Variants in PTPN3 observed in about 807,000 individuals in gnomAD.
PTPN3 encodes protein tyrosine phosphatase non-receptor type 3, also known as tyrosine-protein phosphatase non-receptor type 3.
Under a neutral mutation model 132.7 loss-of-function variants are expected in PTPN3, and 96 were observed. The ratio of observed to expected loss-of-function variants is 0.72; its 90% confidence interval spans 0.61 to 0.86. The LOEUF is 0.86. Among genes scored for constraint, PTPN3 ranks in the 40% least tolerant of loss-of-function variants. PTPN3 has a pLI of 0.00. For synonymous variants in PTPN3, 398 were observed against 429.0 expected (o/e 0.93, Z 0.89); for missense variants, 1,125 against 1,159.6 (o/e 0.97, Z 0.43).
At chr9:109,382,223 T>A in intron 24 of PTPN3, 79 bp downstream of exon 24, 1 of 1,496,520 alleles carries the variant, frequency 6.7e-7, no homozygotes, top group African/African-American at 1.4e-5. Context: ...GTAGGGTGGG[T>A]CTGGCGCCTG....
chr9:109,516,693 A>T, the PTPN3 span, among the ~76,000 whole-genome samples: 2 of 152,196 alleles, frequency 1.3e-5, no homozygotes, highest in Admixed American at 6.5e-5. Flanking sequence ...TATTTTGCTT[A>T]TTTAAAAGAC....
At chr9:109,506,604 TTTC>T in the PTPN3 span, among the ~76,000 whole-genome samples, 1 of 110,148 alleles carries the variant, frequency 9.1e-6, no homozygotes, top group African/African-American at 3.5e-5. Flanking sequence ...TCTTTCTTTC[TTTC>T]TTTTTTTTTT....
chr9:109,509,112 C>T, the PTPN3 span, among the ~76,000 whole-genome samples: 6 of 152,138 alleles, frequency 3.9e-5, no homozygotes, highest in East Asian at 1.2e-3. Context: ...AATTCCAAAC[C>T]AGCTCTGGGG....
At chr9:109,379,687 C>T (rs1838862626) in intron 25 of PTPN3, 54 bp from the exon 26 acceptor site, 1 of 1,443,788 alleles carries the variant, frequency 6.9e-7, no homozygotes, top group Non-Finnish European at 9.8e-7. Flanking sequence ...ATGCTGCCTA[C>T]CACACCCTGT....
the PTPN3 span, among the ~76,000 whole-genome samples, chr9:109,531,396 T>G: frequency 6.6e-6 from 1 of 152,190 alleles, no homozygotes; most frequent in Admixed American, 6.5e-5. Flanking sequence ...CTGGATGGCC[T>G]TGATCTTATT....
chr9:109,423,077 C>T (rs1842994615), intron 12 of PTPN3, among the ~76,000 whole-genome samples: 1 of 152,206 alleles, frequency 6.6e-6, no homozygotes, highest in Non-Finnish European at 1.5e-5. Flanking sequence ...GTCCTCACTA[C>T]TCAAGCAACA....
chr9:109,514,998 T>G, the PTPN3 span, among the ~76,000 whole-genome samples: 2 of 152,102 alleles, frequency 1.3e-5, no homozygotes, highest in Non-Finnish European at 2.9e-5. Context: ...TAATGCAGCA[T>G]TATTGGGGCC....
chr9:109,454,676 A>T (rs1845469929), intron 4 of PTPN3, 102 bp from the exon 5 acceptor site: 2 of 849,162 alleles, frequency 2.4e-6, no homozygotes, highest in African/African-American at 3.4e-5. Context: ...ACTCAACCAT[A>T]GCTTTTTCCA....
chr9:109,385,487 C>G (rs1014814375), intron 22 of PTPN3, among the ~76,000 whole-genome samples: 3 of 152,120 alleles, frequency 2.0e-5, no homozygotes, highest in Admixed American at 6.5e-5. Context: ...GAGGTAGGTA[C>G]TATGATTGTC....
chr9:109,408,835 T>C (rs1198002245), intron 16 of PTPN3, among the ~76,000 whole-genome samples: 1 of 129,480 alleles, frequency 7.7e-6, no homozygotes, highest in African/African-American at 2.9e-5. Context: ...TATATATATA[T>C]ATGGGCTTTA....
chr9:109,464,925 A>AG (rs1846022566), intron 1 of PTPN3, among the ~76,000 whole-genome samples: 1 of 152,156 alleles, frequency 6.6e-6, no homozygotes, highest in African/African-American at 2.4e-5. Context: ...GTGTGTAGTG[A>AG]GGGGAAGGGG....
the PTPN3 span, chr9:109,533,445 C>A: frequency 6.8e-7 from 1 of 1,471,914 alleles, no homozygotes; most frequent in Non-Finnish European, 9.4e-7. Context: ...CGCACCTGGC[C>A]GGTTTAGGGT....
chr9:109,462,419 A>T (rs1201096678), intron 2 of PTPN3, among the ~76,000 whole-genome samples: 2 of 152,160 alleles, frequency 1.3e-5, no homozygotes, highest in Non-Finnish European at 2.9e-5. Flanking sequence ...CACCCTTTGC[A>T]TTCTTGTGGC....
intron 14 of PTPN3, among the ~76,000 whole-genome samples, chr9:109,418,183 C>T (rs892909025): frequency 5.3e-5 from 8 of 152,192 alleles, no homozygotes; most frequent in Admixed American, 1.3e-4. Flanking sequence ...AGTGTGGCAG[C>T]GTAGGCTGAT....
At chr9:109,463,544 C>A in intron 1 of PTPN3, 93 bp from the exon 2 acceptor site, 10 of 1,212,890 alleles carry the variant, frequency 8.2e-6, no homozygotes, top group Non-Finnish European at 1.1e-5. Context: ...CCTCTCGATA[C>A]TGTCTGACGG....
At chr9:109,388,425 A>G (rs1839783047) in intron 22 of PTPN3, among the ~76,000 whole-genome samples, 1 of 152,224 alleles carries the variant, frequency 6.6e-6, no homozygotes, top group Non-Finnish European at 1.5e-5. Flanking sequence ...GAAACTGACA[A>G]AGCAGCTGGA....
the PTPN3 span, chr9:109,534,387 T>C: frequency 6.9e-7 from 1 of 1,459,532 alleles, no homozygotes; most frequent in Non-Finnish European, 9.0e-7. Context: ...CCTCCCGGGG[T>C]GTGATGGTAG....
At chr9:109,484,178 C>T (rs999943856) in intron 1 of PTPN3, among the ~76,000 whole-genome samples, 22 of 152,212 alleles carry the variant, frequency 1.4e-4, no homozygotes, top group Admixed American at 4.6e-4. Flanking sequence ...CCAACCACAG[C>T]TCTCTCCACC....
intron 14 of PTPN3, among the ~76,000 whole-genome samples, chr9:109,419,607 A>G (rs1259794602): frequency 6.6e-6 from 1 of 152,094 alleles, no homozygotes; most frequent in African/African-American, 2.4e-5. Context: ...GTAACTATGA[A>G]TCCATTAAAA....
Sources: gnomAD v4.1 joint callset for allele counts (sites outside exome capture counted in the v4.1 genomes callset) on GRCh38, gnomAD v4.1.1 for gene constraint, MANE v1.5 for transcripts, NCBI Gene and HGNC (gene_info 2026-07-23, HGNC 2026-07-21) for gene names.